The following ZMIZ2 variants were observed in gnomAD, a reference collection of about 807,000 sequenced individuals.
ZMIZ2 encodes the protein zinc finger MIZ domain-containing protein 2.
ZMIZ2 carries 26 observed loss-of-function variants against 93.9 expected under a neutral mutation model. The ratio of observed to expected loss-of-function variants is 0.28; its 90% CI spans 0.20 to 0.38. The LOEUF (loss-of-function observed/expected upper bound fraction) is 0.38. ZMIZ2 is among the 10% of genes least tolerant of loss of function. The pLI, the probability that ZMIZ2 is intolerant of heterozygous loss-of-function variation, is 1.00. For synonymous variants in ZMIZ2, 485 were observed against 516.4 expected (o/e 0.94, Z 0.82); for missense variants, 1,023 against 1,235.0 (o/e 0.83, Z 2.57).
Position 44,765,532 on chromosome 7 carries a change from C to G in ZMIZ2, c.2195C>G (p.Pro732Arg), listed in dbSNP as rs761539768. Residue 732 changes from proline (P) to arginine (R), a missense_variant, in exon 16 of 19, where the codon CCC becomes CGC. Coordinates refer to ENST00000309315, the MANE Select transcript of ZMIZ2 (RefSeq NM_031449.4). This position sits in a 1 kb window ranked among gnomAD's most constrained non-coding sequence, Gnocchi z 4.1. ...GGCCCCGGCGCTGCCCCCTTTGCCC[C>G]CCTGCAGCCCCCCTCAGTCCCTGCC... ...ALGPGAAPFA[P>R]LQPPSVPAPS... is the part of the protein sequence containing the mutation. 1 of 1,571,484 alleles carries G rather than the reference C, an allele frequency of 6.4e-7. No homozygotes were observed. The highest frequency in any genetic ancestry group is 1.1e-5 in the South Asian group (1 of 89,628).
chr7:44,767,477 A>G, intron 18 of ZMIZ2, 39 bp from the exon 19 acceptor site: 1 of 1,547,028 alleles, frequency 6.5e-7, no homozygotes, highest in East Asian at 2.2e-5. Context: ...GTGGCCAGTC[A>G]GTGACCAAAG....
intron 1 of ZMIZ2, 120 bp downstream of exon 1, chr7:44,749,111 C>T (rs1789898489): frequency 1.3e-5 from 2 of 152,050 alleles, no homozygotes; most frequent in Admixed American, 1.3e-4. Flanking sequence ...GCAGGTGTAG[C>T]TGGTCGCCCG....
intron 1 of ZMIZ2, 39 bp from the exon 2 acceptor site, chr7:44,756,149 C>A: frequency 6.4e-7 from 1 of 1,552,960 alleles, no homozygotes; most frequent in Non-Finnish European, 8.9e-7. Flanking sequence ...GGTCTCCTGG[C>A]TGCATCGCAG....
chr7:44,764,291 T>C (rs913738011), intron 13 of ZMIZ2, 128 bp from the exon 14 acceptor site: 1 of 823,398 alleles, frequency 1.2e-6, no homozygotes, highest in Non-Finnish European at 2.0e-6. Context: ...AGTGAAAACC[T>C]GGTACATGCA....
At position 44,756,437 on chromosome 7, in the gene ZMIZ2, C is replaced by G; in HGVS notation, c.63C>G (p.Phe21Leu). 1 of 1,614,046 alleles carries G rather than the reference C, an allele frequency of 6.2e-7. No individual in the cohort carries two copies. Among genetic ancestry groups the G allele is most frequent in the Middle Eastern group, 1.6e-4 (1 of 6,062 alleles). Reference protein sequence around the residue: ...LPPAPHGDGSFAYESVPWQQS... With the variant: ...LPPAPHGDGSLAYESVPWQQS... ...TCTTTCCCTGCAGTGATGGTTCATT[C>G]GCATATGAGTCTGTGCCTTGGCAAC... Residue 21 changes from phenylalanine to leucine, a missense_variant, in exon 3 of 19, where the codon TTC becomes TTG. Coordinates refer to ENST00000309315, the MANE Select transcript of ZMIZ2 (RefSeq NM_031449.4).
In ZMIZ2 at chr7:44,757,134, C is replaced by T; in HGVS notation, c.353C>T (p.Pro118Leu). The T allele has an allele frequency of 6.3e-7, 1 of 1,594,468 alleles. No homozygotes were observed. Among genetic ancestry groups the T allele is most frequent in the Non-Finnish European group, 8.5e-7 (1 of 1,175,884 alleles). The change falls in exon 4 of 19, where the codon CCC (proline) becomes CTC (leucine). Residue 118 changes from proline to leucine, a missense_variant. Pro to Leu is a moderately conservative substitution (Grantham distance 98, BLOSUM62 -3). This residue lies in a region of ZMIZ2 where 656 missense variants were observed against 777.1 expected (regional missense o/e 0.84). Coordinates refer to ENST00000309315, the MANE Select transcript of ZMIZ2 (RefSeq NM_031449.4). ...AGCCGCGGGGGCTACCCTGGGGCCC[C>T]CGGCTTCACCACCGGGTAAGCAAGT... is the stretch of plus-strand genomic sequence containing the variant. ...VYSRGGYPGA[P>L]GFTTGYAGGP...
chr7:44,766,103 G>A lies in ZMIZ2; in HGVS notation c.2243-61G>A. The A allele has an allele frequency of 5.3e-6, 8 of 1,522,568 alleles. No individual in the cohort carries two copies. The highest frequency in any genetic ancestry group is 7.0e-6 in the Non-Finnish European group (8 of 1,141,372). The allele number at this position is 1,522,568 out of a possible 1,614,324, so 94.3% of individuals were successfully genotyped here. ...CATGCCACAGCCAGCCTCCCTCCTG[G>A]CTCCTCTGCCAGCGGTGGCCTTCCC... On this transcript the variant is annotated intron_variant, in intron 16 of 18. Transcript: ENST00000309315. This position sits in a 1 kb window ranked among gnomAD's most constrained non-coding sequence, Gnocchi z 4.4.
At position 44,756,198 on chromosome 7, in the gene ZMIZ2, T is replaced by G. The variant is rs1790572997; in HGVS notation, c.-52T>G. On this transcript the variant is annotated 5_prime_UTR_variant, in exon 2 of 19. Coordinates refer to ENST00000309315, the MANE Select transcript of ZMIZ2 (RefSeq NM_031449.4). ...CTTCCTGTCGGGCAGCCAGAGCAGCTGAGTTCCAGATAAAAACTGTCAGAC... is the reference window on the plus strand; with the variant it reads ...CTTCCTGTCGGGCAGCCAGAGCAGCGGAGTTCCAGATAAAAACTGTCAGAC... The G allele has an allele frequency of 6.2e-7, 1 of 1,613,190 alleles. No individual in the cohort carries two copies. Among genetic ancestry groups the G allele is most frequent in the South Asian group, 1.1e-5 (1 of 91,078 alleles).
In ZMIZ2 at chr7:44,757,361, TC is replaced by T; in HGVS notation, c.369-15del. ...TGAGCCCACGCAGAGAGCGTGGCAA[TC>T]CTGTGTCTCCTGCAGGTATGCAGGC... On this transcript the variant is annotated splice_polypyrimidine_tract_variant and intron_variant, in intron 4 of 18. Transcript: ENST00000309315. 6.3e-7 allele frequency: 1 copy of T among 1,595,102 alleles called. No homozygotes were observed. Among genetic ancestry groups the T allele is most frequent in the Non-Finnish European group, 8.5e-7 (1 of 1,176,516 alleles).
rs1791065057 is a variant in ZMIZ2 at position 44,760,444 on chromosome 7, G to A, written c.1091G>A (p.Gly364Asp). 6.2e-7 allele frequency: 1 copy of A among 1,613,914 alleles called. No homozygotes were observed. The highest frequency in any genetic ancestry group is 1.3e-5 in the African/African-American group (1 of 74,882). ...CTACAGCCTACCCGTTCCATCCCGGGCTATCCCAGTTCCCCACTGCCAGGG... is the reference window on the plus strand; with the variant it reads ...CTACAGCCTACCCGTTCCATCCCGGACTATCCCAGTTCCCCACTGCCAGGG... ...GLSGPTRSIPGYPSSPLPGNP... is the reference protein window; with the variant it reads ...GLSGPTRSIPDYPSSPLPGNP... Residue 364 changes from glycine (G) to aspartate (D), a missense_variant, in exon 9 of 19, where the codon GGC (glycine) becomes GAC (aspartate). Physicochemically the swap from Gly to Asp is moderately conservative, Grantham distance 94 (BLOSUM62 -1). Around this residue, in one of 3 missense-constraint regions of ZMIZ2, gnomAD observed 656 missense variants for 777.1 expected, o/e 0.84. Coordinates refer to ENST00000309315, the MANE Select transcript of ZMIZ2 (RefSeq NM_031449.4).
At chr7:44,752,468 C>T (rs936659220) in intron 1 of ZMIZ2, among the ~76,000 whole-genome samples, 1 of 152,132 alleles carries the variant, frequency 6.6e-6, no homozygotes, top group Non-Finnish European at 1.5e-5. Context: ...TTCACGCCCA[C>T]CTTCCTCCTG....
In ZMIZ2 at chr7:44,765,781, T is replaced by G. The variant is rs1192834337; in HGVS notation, c.2242+202T>G. The G allele has an allele frequency of 2.9e-6, 3 of 1,019,012 alleles. No homozygotes were observed. In the African/African-American group the frequency reaches 4.9e-5, roughly 17 times the overall value. 63.1% of individuals were successfully genotyped at this position (1,019,012 alleles called of 1,614,324 possible). A position where few individuals can be genotyped will look rare whatever the true frequency, so the allele number is the denominator to read the frequency against. ...GGCGGTGAAGGCACAGTCTCAGCTA[T>G]GGTCCCAGGAAACAGACAGTGGGGC... On this transcript the variant is annotated intron_variant, in intron 16 of 18. Transcript: ENST00000309315. The surrounding 1 kb of genome is among the most constrained non-coding windows in gnomAD (Gnocchi z 4.1).
Position 44,760,550 on chromosome 7 carries a change from T to C in ZMIZ2, c.1197T>C (p.Pro399=). The part of the protein sequence containing the change: ...PNQEVKSPFL[P]DLKPNLNSLH... Reference sequence around the variant, plus strand: ...AAGAGGTCAAGTCTCCCTTCTTGCCTGATCTCAAGCCCAACCTCAACTCCT... The same window carrying C: ...AAGAGGTCAAGTCTCCCTTCTTGCCCGATCTCAAGCCCAACCTCAACTCCT... Residue 399 remains proline (P), a synonymous_variant, in exon 9 of 19, where the codon CCT becomes CCC. Transcript: ENST00000309315. 1 of 1,614,146 alleles carries C rather than the reference T, an allele frequency of 6.2e-7. No homozygotes were observed.
Position 44,757,476 on chromosome 7 carries a change from C to T in ZMIZ2, c.467C>T (p.Ala156Val), listed in dbSNP as rs764164101. 1.9e-5 allele frequency: 31 copies of T among 1,602,716 alleles called. No individual in the cohort carries two copies. The highest frequency in any genetic ancestry group is 8.0e-5 in the African/African-American group (6 of 74,834). The stretch of plus-strand genomic sequence containing the variant: ...GCAGCTGCTGCAGCTGTGGCTGCTG[C>T]GGCAGCCACTGCCACCGCCACAGCC... ...QAAAAAAVAA[A>V]AATATATATA... is the part of the protein sequence containing the mutation. Residue 156 changes from alanine to valine, a missense_variant, in exon 5 of 19, where the codon GCG (alanine) becomes GTG (valine). This residue lies in a region of ZMIZ2 where 656 missense variants were observed against 777.1 expected (regional missense o/e 0.84). Transcript: ENST00000309315.
intron 1 of ZMIZ2, among the ~76,000 whole-genome samples, chr7:44,751,869 GGA>G (rs1034847772): frequency 2.6e-5 from 4 of 152,066 alleles, no homozygotes; most frequent in Non-Finnish European, 5.9e-5. Flanking sequence ...GGCTGAGGCA[GGA>G]GAATCGCTTG....
chr7:44,751,002 G>A (rs1486786316), intron 1 of ZMIZ2: 1 of 152,274 alleles, frequency 6.6e-6, no homozygotes, highest in Non-Finnish European at 1.5e-5. Flanking sequence ...CAGACCTGGA[G>A]ACTGGAAGTC....
chr7:44,756,830 C>A, intron 3 of ZMIZ2, 117 bp from the exon 4 acceptor site: 1 of 1,158,412 alleles, frequency 8.6e-7, no homozygotes, highest in Non-Finnish European at 1.3e-6. Context: ...TATACCCTGT[C>A]CCCCCCACCT....
At position 44,766,703 on chromosome 7, in the gene ZMIZ2, A is replaced by C. The variant is rs1361494302; in HGVS notation, c.2655+40A>C. ...CCATGCGGGGGAGTGCGTGGGAGCC[A>C]GGGCTAGAGGTGGTGTGTCTGTTCC... is the stretch of plus-strand genomic sequence containing the variant. On this transcript the variant is annotated intron_variant, in intron 18 of 18. Transcript: ENST00000309315. This position sits in a 1 kb window ranked among gnomAD's most constrained non-coding sequence, Gnocchi z 4.4. 1.2e-6 allele frequency: 2 copies of C among 1,604,092 alleles called. No individual in the cohort carries two copies. Among genetic ancestry groups the C allele is most frequent in the South Asian group, 1.1e-5 (1 of 90,812 alleles).
At position 44,764,577 on chromosome 7, in the gene ZMIZ2, C is replaced by G. The variant is rs775601054; in HGVS notation, c.1928+91C>G. 3.5e-6 allele frequency: 5 copies of G among 1,418,886 alleles called. No homozygotes were observed. The African/African-American group carries it at 5.6e-5, about 16-fold the overall frequency. The allele number at this position is 1,418,886 out of a possible 1,614,324, so 87.9% of individuals were successfully genotyped here. On this transcript the variant is annotated intron_variant, in intron 14 of 18. Transcript: ENST00000309315. The stretch of plus-strand genomic sequence containing the variant: ...ACCTCCAACAGCATCATCAAAGATA[C>G]GAGCCTGCTGGGAGGAGTCACTGCA...
Sources: gnomAD v4.1 joint callset for allele counts (sites outside exome capture counted in the v4.1 genomes callset) on GRCh38, gnomAD v4.1.1 for gene constraint, gnomAD v4.1.1 regional missense constraint, Gnocchi (gnomAD v3.1) non-coding constraint, MANE v1.5 for transcripts, NCBI Gene and HGNC (gene_info 2026-07-23, HGNC 2026-07-21) for gene names.